Variants in MALRD1 observed in about 807,000 individuals in gnomAD.
The protein encoded by MALRD1 is MAM and LDL receptor class A domain containing 1.
MALRD1 carries 247 observed loss-of-function variants against 242.1 expected under a neutral mutation model. That is an observed-to-expected ratio of 1.02 (90% CI 0.92 to 1.13). The LOEUF is 1.13. Ranked by LOEUF, MALRD1 falls within the 50% of genes most tolerant of loss-of-function variation. MALRD1 has a pLI of 0.00. For missense variants in MALRD1, 2,989 were observed against 2,533.1 expected, an observed-to-expected ratio of 1.18 and a Z score of -3.86; for synonymous variants, 995 against 866.6, an observed-to-expected ratio of 1.15 and a Z score of -2.60.
intron 36 of MALRD1, among the ~76,000 whole-genome samples, chr10:19,667,778 C>T (rs1841739253): frequency 6.6e-6 from 1 of 152,144 alleles, no homozygotes; most frequent in African/African-American, 2.4e-5. Context: ...ATCAAACCTC[C>T]TCTCTTTATA....
At chr10:19,703,160 C>T (rs1240406177) in intron 38 of MALRD1, among the ~76,000 whole-genome samples, 1 of 152,172 alleles carries the variant, frequency 6.6e-6, no homozygotes, top group Non-Finnish European at 1.5e-5. Context: ...CACAGGATGT[C>T]TCACAGAGCT....
At chr10:19,265,769 T>C (rs1839948003) in intron 19 of MALRD1, among the ~76,000 whole-genome samples, 1 of 152,252 alleles carries the variant, frequency 6.6e-6, no homozygotes, top group African/African-American at 2.4e-5. Flanking sequence ...CAATGTTTCT[T>C]AATTGATTTT....
At chr10:19,633,595 C>T (rs2131657432) in intron 36 of MALRD1, 1 of 152,138 alleles carries the variant, frequency 6.6e-6, no homozygotes, top group Non-Finnish European at 1.5e-5. Flanking sequence ...AAGATTTCCC[C>T]AAATAGTTTT....
At chr10:19,434,410 T>G (rs1320091134) in intron 28 of MALRD1, among the ~76,000 whole-genome samples, 1 of 152,130 alleles carries the variant, frequency 6.6e-6, no homozygotes, top group Non-Finnish European at 1.5e-5. Context: ...TGAGATTTTA[T>G]GTAAATTTAA....
chr10:19,271,387 C>T (rs1002872325), intron 19 of MALRD1, among the ~76,000 whole-genome samples: 1 of 152,206 alleles, frequency 6.6e-6, no homozygotes, highest in Non-Finnish European at 1.5e-5. Flanking sequence ...AGCTTCCATT[C>T]ATCTAAAGTT....
intron 28 of MALRD1, among the ~76,000 whole-genome samples, chr10:19,401,255 A>T (rs1846828324): frequency 6.6e-6 from 1 of 152,192 alleles, no homozygotes; most frequent in Non-Finnish European, 1.5e-5. Flanking sequence ...GTGTTATTTA[A>T]CATAGCACTG....
intron 31 of MALRD1, among the ~76,000 whole-genome samples, chr10:19,506,638 A>G (rs931228841): frequency 6.6e-6 from 1 of 152,174 alleles, no homozygotes; most frequent in Non-Finnish European, 1.5e-5. Flanking sequence ...ATGTGCATAT[A>G]TAAGTAAATA....
At chr10:19,062,599 T>C (rs2131229978) in intron 1 of MALRD1, among the ~76,000 whole-genome samples, 1 of 152,312 alleles carries the variant, frequency 6.6e-6, no homozygotes, top group South Asian at 2.1e-4. Context: ...TTGAAGACGT[T>C]ATGCTAAGTG....
chr10:19,440,366 T>TGA (rs1834569349), intron 28 of MALRD1, among the ~76,000 whole-genome samples: 1 of 152,132 alleles, frequency 6.6e-6, no homozygotes, highest in South Asian at 2.1e-4. Flanking sequence ...ATATTACACT[T>TGA]TAAGTTCTAG....
At chr10:19,637,516 A>G (rs1840193515) in intron 36 of MALRD1, among the ~76,000 whole-genome samples, 1 of 152,218 alleles carries the variant, frequency 6.6e-6, no homozygotes, top group Non-Finnish European at 1.5e-5. Context: ...ACTGGATACC[A>G]TGTTGACCCG....
intron 31 of MALRD1, among the ~76,000 whole-genome samples, chr10:19,507,425 T>G (rs1444129993): frequency 6.6e-6 from 1 of 152,024 alleles, no homozygotes; most frequent in African/African-American, 2.4e-5. Context: ...TGAAAAAACC[T>G]AACAATATGA....
intron 18 of MALRD1, among the ~76,000 whole-genome samples, chr10:19,221,971 A>G (rs1438205558): frequency 6.6e-6 from 1 of 152,176 alleles, no homozygotes; most frequent in Non-Finnish European, 1.5e-5. Flanking sequence ...ATTTGCAAGA[A>G]TGGGTAAGAA....
chr10:19,322,936 T>C (rs1222578501), intron 21 of MALRD1, among the ~76,000 whole-genome samples: 2 of 152,206 alleles, frequency 1.3e-5, no homozygotes, highest in Non-Finnish European at 2.9e-5. Context: ...ATCACTTCTT[T>C]ATGCTTCAAA....
chr10:19,722,759 A>G (rs1030765422), intron 38 of MALRD1, among the ~76,000 whole-genome samples: 25 of 152,056 alleles, frequency 1.6e-4, no homozygotes, highest in African/African-American at 6.0e-4. Context: ...GTAAATGACA[A>G]AAGGAGGAAA....
In MALRD1 at chr10:19,146,070, A is replaced by G. The variant is rs796822590; in HGVS notation, c.1412-128A>G. 4.8e-6 allele frequency: 3 copies of G among 618,746 alleles called. No individual in the cohort carries two copies. In the African/African-American group the frequency reaches 5.7e-5, roughly 12 times the overall value. 38.3% of individuals were successfully genotyped at this position (618,746 alleles called of 1,614,324 possible). Reference sequence around the variant, plus strand: ...TAGATAAAGGAAAGCTATTCCGATCATTAGAGAATATTCACTACCAAGCAG... The same window carrying G: ...TAGATAAAGGAAAGCTATTCCGATCGTTAGAGAATATTCACTACCAAGCAG... On this transcript the variant is annotated intron_variant, in intron 10 of 39. Transcript: ENST00000454679.
intron 38 of MALRD1, among the ~76,000 whole-genome samples, chr10:19,694,409 G>A (rs1177973568): frequency 1.2e-4 from 19 of 152,218 alleles, no homozygotes; most frequent in South Asian, 2.1e-4. Context: ...ACAAGTGGGC[G>A]AAGGATATGA....
chr10:19,319,713 T>G lies in MALRD1; in HGVS notation c.3420-4236T>G, dbSNP rs1045830714. 3.7e-4 allele frequency among the ~76,000 whole-genome samples: 56 copies of G among 152,126 alleles called. 1 individual carries two copies. The highest frequency in any genetic ancestry group is 1.3e-3 in the African/African-American group (56 of 41,534). On this transcript the variant is annotated intron_variant, in intron 21 of 39. Transcript: ENST00000454679. ...GTTTCCTCACGCGGTAGAAGGGACT[T>G]GCTAGCTCTCTGGGGTCTCCTTTGT...
intron 36 of MALRD1, among the ~76,000 whole-genome samples, chr10:19,626,675 G>A (rs185292626): frequency 6.6e-6 from 1 of 150,886 alleles, no homozygotes; most frequent in South Asian, 2.1e-4. Flanking sequence ...CCCACATAAA[G>A]AGTGCTGAAA....
At chr10:19,062,164 A>G (rs1049052274) in intron 1 of MALRD1, among the ~76,000 whole-genome samples, 3 of 152,208 alleles carry the variant, frequency 2.0e-5, no homozygotes, top group African/African-American at 4.8e-5. Context: ...AAGCACATGA[A>G]AAAATACTCA....
Sources: allele counts gnomAD v4.1 joint callset (sites outside exome capture counted in the v4.1 genomes callset), GRCh38; gene constraint gnomAD v4.1.1; transcripts MANE v1.5; gene names NCBI Gene and HGNC (gene_info 2026-07-23, HGNC 2026-07-21).